The following ZNF777 variants were observed in gnomAD, a reference collection of about 807,000 sequenced individuals.
ZNF777 encodes the protein zinc finger protein 777.
ZNF777 carries 7 observed loss-of-function variants against 72.1 expected under a neutral mutation model. The ratio of observed to expected loss-of-function variants is 0.10; its 90% CI spans 0.06 to 0.18. The LOEUF (loss-of-function observed/expected upper bound fraction) is 0.18, where lower values mean the gene tolerates loss of function less well. Among genes scored for constraint, ZNF777 ranks in the 10% least tolerant of loss-of-function variants. The pLI, the probability that ZNF777 is intolerant of heterozygous loss-of-function variation, is 1.00. For synonymous variants in ZNF777, 545 were observed against 483.5 expected (o/e 1.13, Z -1.67); for missense variants, 828 against 1,128.6 (o/e 0.73, Z 3.82).
rs1273410376 is a variant in ZNF777 at position 149,455,519 on chromosome 7, G to T, written c.504C>A (p.Ile168=). 6.2e-7 allele frequency: 1 copy of T among 1,614,086 alleles called. No individual in the cohort carries two copies. Among genetic ancestry groups the T allele is most frequent in the Non-Finnish European group, 8.5e-7 (1 of 1,180,018 alleles). The change falls in exon 2 of 6, where the codon ATC becomes ATA. Residue 168 remains isoleucine (I), a synonymous_variant. Transcript: ENST00000247930. This position sits in a 1 kb window ranked among gnomAD's most constrained non-coding sequence, Gnocchi z 4.2. ...PVSQKDTPFQ[I]SSAVQKEQPL... ...GCTGTTCCTTCTGGACTGCAGAAGA[G>T]ATCTGGAAAGGGGTGTCCTTTTGGG...
chr7:149,435,076 A>G (rs1305073048), intron 5 of ZNF777, among the ~76,000 whole-genome samples: 1 of 152,194 alleles, frequency 6.6e-6, no homozygotes, highest in Non-Finnish European at 1.5e-5. Flanking sequence ...AATTTACCTT[A>G]TGTCTTTTCA....
chr7:149,450,922 G>T, intron 4 of ZNF777, 77 bp downstream of exon 4: 2 of 1,342,072 alleles, frequency 1.5e-6, no homozygotes, highest in Non-Finnish European at 2.1e-6. Flanking sequence ...ACCTTGGATT[G>T]TGCTGCCTCA....
intron 5 of ZNF777, among the ~76,000 whole-genome samples, chr7:149,433,952 A>G (rs936242613): frequency 1.3e-5 from 2 of 152,196 alleles, no homozygotes; most frequent in African/African-American, 4.8e-5. Context: ...ACTTCTCTGG[A>G]CCCATCTGTG....
chr7:149,443,548 A>G (rs1181912607), intron 4 of ZNF777, among the ~76,000 whole-genome samples: 2 of 152,156 alleles, frequency 1.3e-5, no homozygotes, highest in African/African-American at 4.8e-5. Context: ...GCATGGCTAT[A>G]CTGTTAGGTT....
rs1194513091 is a variant in ZNF777, at chr7:149,432,483, G to A, written c.1789C>T (p.Arg597Cys). The stretch of plus-strand genomic sequence containing the variant: ...GGTGAGACGCAGCCTCCGCGCACGC[G>A]GTGGATGCGCTGGTGCAGCGTGAGC... ...QQLTLHQRIH[R>C]VRGGCVSPER... is the part of the protein sequence containing the mutation. Residue 597 changes from arginine (R) to cysteine (C), a missense_variant, in exon 6 of 6, where the codon CGC (arginine) becomes TGC (cysteine). Coordinates refer to ENST00000247930, the MANE Select transcript of ZNF777 (RefSeq NM_015694.3). 1 of 1,613,610 alleles carries A rather than the reference G, an allele frequency of 6.2e-7. No individual in the cohort carries two copies. The highest frequency in any genetic ancestry group is 8.5e-7 in the Non-Finnish European group (1 of 1,179,874).
chr7:149,438,183 C>A (rs932716952), intron 4 of ZNF777, among the ~76,000 whole-genome samples: 1 of 151,600 alleles, frequency 6.6e-6, no homozygotes, highest in South Asian at 2.1e-4. Flanking sequence ...TTTTTAGTAG[C>A]GATGGGGTTT....
At chr7:149,433,534 C>T (rs1329168339) in intron 5 of ZNF777, among the ~76,000 whole-genome samples, 2 of 152,200 alleles carry the variant, frequency 1.3e-5, no homozygotes, top group Non-Finnish European at 2.9e-5. Context: ...GGAGATTTCT[C>T]CTCTTGGTGC....
chr7:149,459,974 C>T, intron 1 of ZNF777: 2 of 925,192 alleles, frequency 2.2e-6, no homozygotes, highest in Non-Finnish European at 2.6e-6. Context: ...ACGCGCGGGC[C>T]CCCTCCAGGG....
intron 4 of ZNF777, among the ~76,000 whole-genome samples, chr7:149,448,331 G>C (rs910987030): frequency 6.6e-6 from 1 of 151,158 alleles, no homozygotes; most frequent in Admixed American, 6.6e-5. Flanking sequence ...TTAGCTGGGC[G>C]TGGTGGCACA....
chr7:149,437,549 A>C (rs1225738661), intron 4 of ZNF777, among the ~76,000 whole-genome samples: 2 of 152,224 alleles, frequency 1.3e-5, no homozygotes, highest in African/African-American at 4.8e-5. Context: ...ATTTGTTTCT[A>C]AACTTGCCTA....
At chr7:149,450,744 T>C (rs1799697145) in intron 4 of ZNF777, among the ~76,000 whole-genome samples, 1 of 152,160 alleles carries the variant, frequency 6.6e-6, no homozygotes, top group South Asian at 2.1e-4. Flanking sequence ...TTGCTTTATT[T>C]CCTACAGAGA....
intron 4 of ZNF777, among the ~76,000 whole-genome samples, chr7:149,446,948 G>T (rs1055331648): frequency 2.6e-5 from 4 of 152,086 alleles, no homozygotes; most frequent in Non-Finnish European, 1.5e-5. Context: ...ATACGACACG[G>T]TTGGGCATAC....
intron 3 of ZNF777, among the ~76,000 whole-genome samples, chr7:149,451,412 C>T (rs1371225834): frequency 6.6e-6 from 1 of 152,086 alleles, no homozygotes; most frequent in Non-Finnish European, 1.5e-5. Context: ...TAATCCTGGC[C>T]GGGTGCAGTG....
At position 149,431,746 on chromosome 7, in the gene ZNF777, C is replaced by T; in HGVS notation, c.*30G>A. The T allele has an allele frequency of 7.1e-7, 1 of 1,401,944 alleles. No homozygotes were observed. Among genetic ancestry groups the T allele is most frequent in the East Asian group, 3.0e-5 (1 of 33,194 alleles). The allele number at this position is 1,401,944 out of a possible 1,614,324, so 86.8% of individuals were successfully genotyped here. ...CCGAGGGGGGGCACGGCCCGCGCAC[C>T]TGGCCGGGCGGCGGCGGCGGGGCGC... On this transcript the variant is annotated 3_prime_UTR_variant, in exon 6 of 6. Coordinates refer to ENST00000247930, the MANE Select transcript of ZNF777 (RefSeq NM_015694.3).
intron 3 of ZNF777, 98 bp downstream of exon 3, chr7:149,454,013 A>T: frequency 6.5e-7 from 1 of 1,533,876 alleles, no homozygotes; most frequent in Non-Finnish European, 8.8e-7. Context: ...CCTTGCTTGC[A>T]ACTATTGGCT....
In ZNF777 at chr7:149,436,651, C is replaced by T. The variant is rs771379446; in HGVS notation, c.1263G>A (p.Thr421=). Residue 421 remains threonine, a synonymous_variant, in exon 5 of 6, where the codon ACG becomes ACA. Transcript: ENST00000247930. This position sits in a 1 kb window ranked among gnomAD's most constrained non-coding sequence, Gnocchi z 5.0. ...TGGAGCCTTCCGTGGACTCCTCCAG[C>T]GTGTTCTCTGGCTCCTGCATGTCCA... is the stretch of plus-strand genomic sequence containing the variant. ...PDLDMQEPEN[T]LEESTEGSSE... 4 of 1,614,054 alleles carry T rather than the reference C, an allele frequency of 2.5e-6. No homozygotes were observed. Among genetic ancestry groups the T allele is most frequent in the East Asian group, 2.2e-5 (1 of 44,876 alleles).
rs908806225 is a variant in ZNF777, at chr7:149,431,767, GGC to G, written c.*7_*8del. On this transcript the variant is annotated 3_prime_UTR_variant, in exon 6 of 6. Coordinates refer to ENST00000247930, the MANE Select transcript of ZNF777 (RefSeq NM_015694.3). ...GCACCTGGCCGGGCGGCGGCGGCGGGGCGCGCGCTCACTCGCCCGTGTGGGTC... is the reference window on the plus strand; with the variant it reads ...GCACCTGGCCGGGCGGCGGCGGCGGGGCGCGCTCACTCGCCCGTGTGGGTC... The G allele has an allele frequency of 5.2e-6, 8 of 1,538,892 alleles. No individual in the cohort carries two copies. The highest frequency in any genetic ancestry group is 2.0e-5 in the Admixed American group (1 of 50,492).
At chr7:149,435,754 T>C (rs944949862) in intron 5 of ZNF777, among the ~76,000 whole-genome samples, 3 of 152,184 alleles carry the variant, frequency 2.0e-5, no homozygotes, top group Non-Finnish European at 4.4e-5. Flanking sequence ...ACTCAATTCC[T>C]ATTTTTTTTT....
intron 4 of ZNF777, among the ~76,000 whole-genome samples, chr7:149,439,884 G>A (rs752231254): frequency 3.3e-5 from 5 of 152,126 alleles, no homozygotes; most frequent in Non-Finnish European, 7.4e-5. Flanking sequence ...TTATAAGGAT[G>A]AATAGAAATT....
Sources: allele counts gnomAD v4.1 joint callset (sites outside exome capture counted in the v4.1 genomes callset), GRCh38; gene constraint gnomAD v4.1.1; non-coding constraint Gnocchi (gnomAD v3.1); transcripts MANE v1.5; gene names NCBI Gene and HGNC (gene_info 2026-07-23, HGNC 2026-07-21).